CNGB3: variants seen among roughly 807,000 people sequenced by gnomAD.
CNGB3 encodes cyclic nucleotide-gated channel beta-3.
CNGB3 carries 86 observed loss-of-function variants against 92.8 expected under a neutral mutation model. The observed-to-expected ratio is 0.93, with a 90% CI of 0.78 to 1.11. CNGB3 has a LOEUF of 1.11. Ranked by LOEUF, CNGB3 falls within the 50% of genes least tolerant of loss-of-function variation. The pLI is 0.00. For synonymous variants in CNGB3, 333 were observed against 332.7 expected (o/e 1.00, Z -0.01); for missense variants, 1,026 against 956.8 (o/e 1.07, Z -0.95).
chr8:86,582,711 G>A (rs1383973622), intron 15 of CNGB3, among the ~76,000 whole-genome samples: 4 of 152,080 alleles, frequency 2.6e-5, no homozygotes, highest in Admixed American at 6.6e-5. Flanking sequence ...CTACCAACTA[G>A]AATTCTATAT....
chr8:86,710,691 A>G (rs1351048743), intron 3 of CNGB3, among the ~76,000 whole-genome samples: 3 of 152,210 alleles, frequency 2.0e-5, no homozygotes, highest in Non-Finnish European at 4.4e-5. Flanking sequence ...TGCTTATTAA[A>G]TCCTGTCAGA....
chr8:86,687,245 A>G (rs556785747), intron 3 of CNGB3, among the ~76,000 whole-genome samples: 1 of 152,198 alleles, frequency 6.6e-6, no homozygotes, highest in East Asian at 1.9e-4. Flanking sequence ...AATTAACCAT[A>G]GAATATTCAT....
chr8:86,692,772 C>T (rs944379889), intron 3 of CNGB3, among the ~76,000 whole-genome samples: 1 of 141,260 alleles, frequency 7.1e-6, no homozygotes, highest in Non-Finnish European at 1.5e-5. Context: ...ATTCATCATG[C>T]TAGTTGTTGC....
rs377044347 is a variant in CNGB3, at chr8:86,700,419, G to A, written c.338+26112C>T. On this transcript the variant is annotated intron_variant, in intron 3 of 17. Transcript: ENST00000320005. ...TTCAACTAGTTGCATTTAAGTGATA[G>A]TCATGGTAAAAATTCTGGAAATTTT... is the stretch of plus-strand genomic sequence containing the variant. 2.3e-4 allele frequency among the ~76,000 whole-genome samples: 35 copies of A among 152,232 alleles called. No individual in the cohort carries two copies. In the South Asian group the frequency reaches 7.1e-3, roughly 31 times the overall value.
chr8:86,657,649 G>T, intron 6 of CNGB3: 1 of 418,994 alleles, frequency 2.4e-6, no homozygotes, highest in Admixed American at 3.1e-5. Flanking sequence ...CCTGGAGCGG[G>T]CTAATCAACA....
chr8:86,733,764 C>A (rs1825198775), intron 2 of CNGB3, among the ~76,000 whole-genome samples: 3 of 152,186 alleles, frequency 2.0e-5, no homozygotes, highest in African/African-American at 7.2e-5. Context: ...ACATAGGACA[C>A]ATTAAATTGT....
intron 3 of CNGB3, among the ~76,000 whole-genome samples, chr8:86,702,663 C>T (rs534802348): frequency 6.6e-6 from 1 of 152,128 alleles, no homozygotes; most frequent in African/African-American, 2.4e-5. Flanking sequence ...ATTTTGGTAG[C>T]CAAAAATTGG....
At position 86,600,897 on chromosome 8, in the gene CNGB3, TG is replaced by T. The variant is rs1822285317; in HGVS notation, c.1781+3195del. ...TACCCGCCTCAGCCTCCCAACGTGT[TG>T]GGATTACAGGCGTGAGCCACCACGC... On this transcript the variant is annotated intron_variant, in intron 15 of 17. Coordinates refer to ENST00000320005, the MANE Select transcript of CNGB3 (RefSeq NM_019098.5). 2.7e-5 allele frequency among the ~76,000 whole-genome samples: 4 copies of T among 150,612 alleles called. No homozygotes were observed. The East Asian group carries it at 7.9e-4, about 30-fold the overall frequency.
intron 15 of CNGB3, chr8:86,593,784 GC>G: frequency 1.5e-6 from 2 of 1,329,350 alleles, no homozygotes; most frequent in Non-Finnish European, 2.1e-6. Flanking sequence ...TTATCAATGA[GC>G]CCCTGGTAGT....
Position 86,575,141 on chromosome 8 carries a change from A to G in CNGB3, c.*663T>C, listed in dbSNP as rs758636884. The G allele has an allele frequency of 2.6e-5, 4 of 152,144 alleles. No homozygotes were observed. The highest frequency in any genetic ancestry group is 4.4e-5 in the Non-Finnish European group (3 of 68,022). 9.4% of individuals were successfully genotyped at this position (152,144 alleles called of 1,614,324 possible). On this transcript the variant is annotated 3_prime_UTR_variant, in exon 18 of 18. Transcript: ENST00000320005. The stretch of plus-strand genomic sequence containing the variant: ...TTTAGTAAAGGGTACAATTTTTCCA[A>G]TATGTTCCTGCAATGTGATTTTGCC...
chr8:86,593,477 T>C (rs564688177), intron 15 of CNGB3, among the ~76,000 whole-genome samples: 1 of 152,218 alleles, frequency 6.6e-6, no homozygotes, highest in Non-Finnish European at 1.5e-5. Context: ...GTTTTAAAGT[T>C]TTTTTTAAAA....
intron 4 of CNGB3, among the ~76,000 whole-genome samples, chr8:86,668,487 A>T (rs1209291781): frequency 6.6e-6 from 1 of 152,178 alleles, no homozygotes; most frequent in Non-Finnish European, 1.5e-5. Flanking sequence ...AAGTATAAAA[A>T]AATCCAAAAA....
At chr8:86,725,515 AATAAC>A (rs1825045322) in intron 3 of CNGB3, among the ~76,000 whole-genome samples, 1 of 152,196 alleles carries the variant, frequency 6.6e-6, no homozygotes, top group Admixed American at 6.5e-5. Context: ...ATTTTTGTCA[AATAAC>A]ATTGTGTTTA....
chr8:86,693,420 T>TTTTTTA lies in CNGB3; in HGVS notation c.339-22323_339-22322insTAAAAA, dbSNP rs1554615914. ...TTATTGGAAACTTTGTTCATTTTTTTTTATTATTATTATTATTTATTTATT... is the reference window on the plus strand; with the variant it reads ...TTATTGGAAACTTTGTTCATTTTTTTTTTTTATTATTATTATTATTATTTATTTATT... On this transcript the variant is annotated intron_variant, in intron 3 of 17. Coordinates refer to ENST00000320005, the MANE Select transcript of CNGB3 (RefSeq NM_019098.5). Among the ~76,000 whole-genome samples, 484 of 53,146 alleles carry TTTTTTA rather than the reference T, an allele frequency of 9.1e-3. 2 individuals are homozygous for TTTTTTA. The highest frequency in any genetic ancestry group is 7.7e-3 in the Non-Finnish European group (239 of 31,168). The allele number at this position is 53,146 out of a possible 152,430, so 34.9% of individuals were successfully genotyped here.
intron 2 of CNGB3, among the ~76,000 whole-genome samples, chr8:86,731,023 G>A (rs1342973412): frequency 6.6e-6 from 1 of 152,132 alleles, no homozygotes; most frequent in African/African-American, 2.4e-5. Context: ...AGGAATTTAG[G>A]CTCTTTTAGT....
chr8:86,694,982 G>A (rs1043094559), intron 3 of CNGB3, among the ~76,000 whole-genome samples: 3 of 152,166 alleles, frequency 2.0e-5, no homozygotes, highest in African/African-American at 7.2e-5. Context: ...CCGAGATCAC[G>A]CCACTGCACT....
chr8:86,640,688 T>C (rs1241982317), intron 10 of CNGB3, among the ~76,000 whole-genome samples: 1 of 152,122 alleles, frequency 6.6e-6, no homozygotes, highest in Non-Finnish European at 1.5e-5. Context: ...ATTAAGATCA[T>C]TAAAATAAAT....
At chr8:86,714,314 A>G (rs1156886048) in intron 3 of CNGB3, among the ~76,000 whole-genome samples, 8 of 152,004 alleles carry the variant, frequency 5.3e-5, no homozygotes, top group Middle Eastern at 3.4e-3. Context: ...TTTTCTTTTG[A>G]GATGGAGTCT....
chr8:86,694,892 C>T lies in CNGB3; in HGVS notation c.339-23794G>A, dbSNP rs188534774. On this transcript the variant is annotated intron_variant, in intron 3 of 17. Coordinates refer to ENST00000320005, the MANE Select transcript of CNGB3 (RefSeq NM_019098.5). ...GCAGAGACTCTCCTCACTTCCCAGA[C>T]GGGGTGGCGCCCGGGCAGAGGCTGC... 7.0e-3 allele frequency among the ~76,000 whole-genome samples: 1,060 copies of T among 152,024 alleles called. 6 individuals carry two copies. Among genetic ancestry groups the T allele is most frequent in the Middle Eastern group, 0.031 (9 of 294 alleles).
Sources: allele counts gnomAD v4.1 joint callset (sites outside exome capture counted in the v4.1 genomes callset), GRCh38; gene constraint gnomAD v4.1.1; transcripts MANE v1.5; gene names NCBI Gene and HGNC (gene_info 2026-07-23, HGNC 2026-07-21).